The following EIF2AK3 variants were observed in gnomAD, a reference collection of about 807,000 sequenced individuals.
EIF2AK3 encodes the protein eukaryotic translation initiation factor 2-alpha kinase 3.
In EIF2AK3, 50 loss-of-function variants were observed where a neutral mutation model predicts 113.5. That is an observed-to-expected ratio of 0.44 (90% CI 0.35 to 0.56). The LOEUF is 0.56. Ranked by LOEUF, EIF2AK3 falls within the 20% of genes least tolerant of loss-of-function variation. EIF2AK3 has a pLI of 0.00. For synonymous variants in EIF2AK3, 448 were observed against 495.4 expected, an observed-to-expected ratio of 0.90 and a Z score of 1.27; for missense variants, 1,185 against 1,378.0, an observed-to-expected ratio of 0.86 and a Z score of 2.22.
intron 1 of EIF2AK3, among the ~76,000 whole-genome samples, chr2:88,614,579 C>G (rs1675528149): frequency 1.3e-5 from 2 of 152,204 alleles, no homozygotes; most frequent in South Asian, 4.1e-4. Flanking sequence ...TTACAAATCA[C>G]CGCAACCCCC....
intron 1 of EIF2AK3, among the ~76,000 whole-genome samples, chr2:88,620,897 A>C (rs1201894741): frequency 2.0e-5 from 3 of 152,260 alleles, no homozygotes; most frequent in Non-Finnish European, 4.4e-5. Flanking sequence ...CCTGGGCCCC[A>C]GTAAAACTAA....
chr2:88,598,186 A>G (rs573821877), intron 2 of EIF2AK3, among the ~76,000 whole-genome samples: 9 of 152,294 alleles, frequency 5.9e-5, no homozygotes, highest in African/African-American at 2.2e-4. Flanking sequence ...AATAAATAAT[A>G]TATGAGGGAA....
intron 5 of EIF2AK3, 25 bp downstream of exon 5, chr2:88,590,793 T>G (rs901683399): frequency 6.2e-7 from 1 of 1,612,304 alleles, no homozygotes; most frequent in African/African-American, 1.3e-5. Flanking sequence ...GAACCGTATT[T>G]TAAATCCTCA....
chr2:88,585,984 T>C lies in EIF2AK3; in HGVS notation c.1507A>G (p.Asn503Asp), dbSNP rs768630246. ...CGGATATTCTTGTTGTAATGTGGGT[T>C]GTCGAGGAATCTGACTGTAATCTGT... Reference protein sequence around the residue: ...STQITVRFLDNPHYNKNIRKK... With the variant: ...STQITVRFLDDPHYNKNIRKK... The change falls in exon 9 of 17, where the codon AAC becomes GAC. Residue 503 changes from asparagine to aspartate, a missense_variant. By Grantham distance (23) the Asn-to-Asp change is conservative. This residue lies in a region of EIF2AK3 where 877 missense variants were observed against 1,024.2 expected (regional missense o/e 0.86). Coordinates refer to ENST00000303236, the MANE Select transcript of EIF2AK3 (RefSeq NM_004836.7). The C allele has an allele frequency of 1.1e-5, 17 of 1,614,180 alleles. No homozygotes were observed. Among genetic ancestry groups the C allele is most frequent in the Non-Finnish European group, 1.3e-5 (15 of 1,180,010 alleles).
chr2:88,610,327 C>A (rs1340284218), intron 2 of EIF2AK3, among the ~76,000 whole-genome samples: 1 of 152,138 alleles, frequency 6.6e-6, no homozygotes, highest in Non-Finnish European at 1.5e-5. Context: ...TAAAATCATG[C>A]ATGAGTAAAA....
In EIF2AK3 at chr2:88,588,039, T is replaced by C. The variant is rs2104433721; in HGVS notation, c.1372A>G (p.Lys458Glu). Residue 458 changes from lysine to glutamate, a missense_variant, in exon 8 of 17, where the codon AAG (lysine) becomes GAG (glutamate). Physicochemically the swap from Lys to Glu is moderately conservative, Grantham distance 56 (BLOSUM62 1). Coordinates refer to ENST00000303236, the MANE Select transcript of EIF2AK3 (RefSeq NM_004836.7). ...TTACTATATTCTTCATGAGAAAACT[T>C]ATCATTACTGAGACATTTGTCAAAT... The part of the protein sequence containing the change: ...DEFDKCLSND[K>E]FSHEEYSNGA... 1.3e-6 allele frequency: 2 copies of C among 1,584,956 alleles called. No individual in the cohort carries two copies. The highest frequency in any genetic ancestry group is 4.5e-5 in the East Asian group (2 of 44,212).
chr2:88,598,412 T>C (rs1030157363), intron 2 of EIF2AK3, among the ~76,000 whole-genome samples: 1 of 152,174 alleles, frequency 6.6e-6, no homozygotes, highest in African/African-American at 2.4e-5. Flanking sequence ...AATACCTTGA[T>C]TGGATAACCA....
chr2:88,568,278 C>G (rs774021197), intron 14 of EIF2AK3, among the ~76,000 whole-genome samples: 4 of 152,116 alleles, frequency 2.6e-5, no homozygotes, highest in Non-Finnish European at 5.9e-5. Flanking sequence ...AACACCCTTT[C>G]AAAAGGTCTG....
chr2:88,582,536 A>ATG (rs2104423931), intron 10 of EIF2AK3, among the ~76,000 whole-genome samples: 1 of 152,326 alleles, frequency 6.6e-6, no homozygotes, highest in African/African-American at 2.4e-5. Context: ...CTGTGACCAC[A>ATG]TGACAGGTAT....
Position 88,557,770 on chromosome 2 carries a change from G to A in EIF2AK3, c.3317C>T (p.Ser1106Phe), listed in dbSNP as rs747073375. The change falls in exon 17 of 17, where the codon TCC (serine) becomes TTC (phenylalanine). Residue 1106 changes from serine to phenylalanine, a missense_variant. By Grantham distance (155) the Ser-to-Phe change is radical (BLOSUM62 -2). Coordinates refer to ENST00000303236, the MANE Select transcript of EIF2AK3 (RefSeq NM_004836.7). ...TGGCAAAGGGCTATGGGAGTTGTTG[G>A]ACTGTCTTGAATGTTTTGTTCCCGA... ...SSSGTKHSRQSNNSHSPLPSN is the reference protein window; with the variant it reads ...SSSGTKHSRQFNNSHSPLPSN The A allele has an allele frequency of 6.2e-7, 1 of 1,614,136 alleles. No homozygotes were observed. The highest frequency in any genetic ancestry group is 1.7e-5 in the Admixed American group (1 of 60,016).
intron 1 of EIF2AK3, among the ~76,000 whole-genome samples, chr2:88,622,740 C>T (rs898279437): frequency 1.3e-5 from 2 of 152,094 alleles, no homozygotes; most frequent in African/African-American, 2.4e-5. Flanking sequence ...ACTGAGCTTC[C>T]TTTCAACATG....
rs1323254419 is a variant in EIF2AK3, at chr2:88,627,045, G to T, written c.230C>A (p.Ala77Glu). 1 of 1,599,218 alleles carries T rather than the reference G, an allele frequency of 6.3e-7. No individual in the cohort carries two copies. Among genetic ancestry groups the T allele is most frequent in the Admixed American group, 1.7e-5 (1 of 59,506 alleles). The change falls in exon 1 of 17, where the codon GCG (alanine) becomes GAG (glutamate). Residue 77 changes from alanine (A) to glutamate (E), a missense_variant. This residue lies in a region of EIF2AK3 where 189 missense variants were observed against 175.2 expected (regional missense o/e 1.08). Coordinates refer to ENST00000303236, the MANE Select transcript of EIF2AK3 (RefSeq NM_004836.7). ...CTGCTCTCCCGCGGCTGCCGGCAGC[G>T]CCTCAGCGTCCTCCACAGTCACCTC... ...AAEVTVEDAEALPAAAGEQEP... is the reference protein window; with the variant it reads ...AAEVTVEDAEELPAAAGEQEP...
chr2:88,601,834 C>CTTTTTTTTTTTTTTTTTTTTTTTTTT (rs59987968), intron 2 of EIF2AK3, among the ~76,000 whole-genome samples: 2 of 74,858 alleles, frequency 2.7e-5, no homozygotes, highest in Non-Finnish European at 2.5e-5. Context: ...TAAGATTTTT[C>CTTTTTTTTTTTTTTTTTTTTTTTTTT]TTTTTTTTTT....
At chr2:88,608,372 A>T (rs561558461) in intron 2 of EIF2AK3, among the ~76,000 whole-genome samples, 1 of 151,954 alleles carries the variant, frequency 6.6e-6, no homozygotes, top group Non-Finnish European at 1.5e-5. Flanking sequence ...CAACTTTCAT[A>T]CCATTCTTGA....
chr2:88,613,934 A>G (rs1675512974), intron 1 of EIF2AK3, 81 bp from the exon 2 acceptor site: 2 of 1,319,280 alleles, frequency 1.5e-6, no homozygotes, highest in Non-Finnish European at 1.1e-6. Context: ...AAAGAAAACC[A>G]GCCCATGTCC....
At chr2:88,559,428 T>C (rs1673878413) in intron 15 of EIF2AK3, among the ~76,000 whole-genome samples, 1 of 151,926 alleles carries the variant, frequency 6.6e-6, no homozygotes, top group Non-Finnish European at 1.5e-5. Context: ...TATTACACCA[T>C]TTTATATAAG....
chr2:88,568,031 A>T (rs900121961), intron 14 of EIF2AK3, among the ~76,000 whole-genome samples: 5 of 152,024 alleles, frequency 3.3e-5, no homozygotes, highest in Admixed American at 2.0e-4. Context: ...CAGTGGCAGG[A>T]TCTTGGCTCA....
In EIF2AK3 at chr2:88,587,977, C is replaced by T; in HGVS notation, c.1429+5G>A. 1 of 1,553,830 alleles carries T rather than the reference C, an allele frequency of 6.4e-7. No individual in the cohort carries two copies. Among genetic ancestry groups the T allele is most frequent in the Non-Finnish European group, 8.8e-7 (1 of 1,138,954 alleles). On this transcript the variant is annotated splice_donor_5th_base_variant and intron_variant, in intron 8 of 16. Transcript: ENST00000303236. ...AAATAAATAAAACTCAGTATTTTCA[C>T]TTACCATATGGATACTGCAAGATTG...
At chr2:88,574,514 C>A in intron 13 of EIF2AK3, 152 bp downstream of exon 13, 2 of 864,894 alleles carry the variant, frequency 2.3e-6, no homozygotes, top group South Asian at 1.6e-5. Flanking sequence ...ATTCTTGCAG[C>A]AGGCCCCTTC....
Sources: allele counts gnomAD v4.1 joint callset (sites outside exome capture counted in the v4.1 genomes callset), GRCh38; gene constraint gnomAD v4.1.1; regional missense constraint gnomAD v4.1.1; transcripts MANE v1.5; gene names NCBI Gene and HGNC (gene_info 2026-07-23, HGNC 2026-07-21).